PDE10A: variants seen among roughly 807,000 people sequenced by gnomAD.
PDE10A encodes cAMP and cAMP-inhibited cGMP 3',5'-cyclic phosphodiesterase 10A.
In PDE10A, 39 loss-of-function variants were observed where a neutral mutation model predicts 97.7. That is an observed-to-expected ratio of 0.40 (90% CI 0.31 to 0.52). PDE10A has a LOEUF of 0.52. Ranked by LOEUF, PDE10A falls within the 20% of genes least tolerant of loss-of-function variation. PDE10A has a pLI of 0.56. For synonymous variants in PDE10A, 371 were observed against 376.8 expected (o/e 0.98, Z 0.18); for missense variants, 731 against 1,047.8 (o/e 0.70, Z 4.17).
At chr6:165,340,590 A>T (rs892571961) in intron 19 of PDE10A, among the ~76,000 whole-genome samples, 3 of 152,252 alleles carry the variant, frequency 2.0e-5, no homozygotes, top group Non-Finnish European at 4.4e-5. Context: ...TCCAACAAGG[A>T]AACAGCTTTT....
chr6:165,518,891 G>T (rs1012819895), intron 2 of PDE10A, among the ~76,000 whole-genome samples: 1 of 152,170 alleles, frequency 6.6e-6, no homozygotes. Context: ...ACAGAAACCA[G>T]TTCCAATTGA....
At chr6:165,973,122 C>A (rs1214960380) in intron 1 of PDE10A, among the ~76,000 whole-genome samples, 2 of 152,240 alleles carry the variant, frequency 1.3e-5, no homozygotes, top group African/African-American at 4.8e-5. Flanking sequence ...TGAGCCCAAT[C>A]CAAAATGTGA....
intron 1 of PDE10A, among the ~76,000 whole-genome samples, chr6:165,656,254 TCTCTCACA>T (rs1404720364): frequency 6.7e-4 from 68 of 101,082 alleles, no homozygotes; most frequent in East Asian, 2.5e-3. Flanking sequence ...TCTCTCTCTC[TCTCTCACA>T]CACACACACA....
chr6:165,967,098 G>A lies in PDE10A; in HGVS notation c.-615+20431C>T, dbSNP rs143938682. On this transcript the variant is annotated intron_variant, in intron 1 of 19. Coordinates refer to the PDE10A transcript ENST00000366882. Reference sequence around the variant, plus strand: ...ACCAAGTGCTTGCCGTATATGGAAGGGTACAACTGATTCCTAGAGATGCCC... The same window carrying A: ...ACCAAGTGCTTGCCGTATATGGAAGAGTACAACTGATTCCTAGAGATGCCC... 5.9e-5 allele frequency among the ~76,000 whole-genome samples: 9 copies of A among 152,266 alleles called. No individual in the cohort carries two copies. The East Asian group carries it at 1.5e-3, about 26-fold the overall frequency.
At chr6:165,727,828 T>C (rs1179288003) in intron 1 of PDE10A, among the ~76,000 whole-genome samples, 1 of 152,248 alleles carries the variant, frequency 6.6e-6, no homozygotes, top group Non-Finnish European at 1.5e-5. Context: ...TTTTACTTTG[T>C]CTCGCTGCTT....
At chr6:165,604,124 C>T (rs1419244922) in intron 1 of PDE10A, among the ~76,000 whole-genome samples, 1 of 152,106 alleles carries the variant, frequency 6.6e-6, no homozygotes, top group African/African-American at 2.4e-5. Flanking sequence ...ATCCTAACAC[C>T]CATTTCTTCT....
At position 165,662,320 on chromosome 6, in the gene PDE10A, T is replaced by C; in HGVS notation, c.492A>G (p.Gly164=). The C allele has an allele frequency of 6.4e-6, 1 of 156,258 alleles. No homozygotes were observed. Among genetic ancestry groups the C allele is most frequent in the Non-Finnish European group, 1.3e-5 (1 of 75,320 alleles). The allele number at this position is 156,258 out of a possible 1,614,324, so 9.7% of individuals were successfully genotyped here. ...AGGGAGCTGCCTCTTGTCCTCCTCCTCCTCCTCCGCCAGCATCGCCGCCTC... is the reference window on the plus strand; with the variant it reads ...AGGGAGCTGCCTCTTGTCCTCCTCCCCCTCCTCCGCCAGCATCGCCGCCTC... The part of the protein sequence containing the change: ...AGGGGDAGGG[G]GGGQEAAPLS... Residue 164 remains glycine, a synonymous_variant, in exon 1 of 22, where the codon GGA becomes GGG. Transcript: ENST00000539869.
At chr6:165,617,673 C>G (rs1201737783) in intron 1 of PDE10A, among the ~76,000 whole-genome samples, 1 of 152,114 alleles carries the variant, frequency 6.6e-6, no homozygotes, top group Non-Finnish European at 1.5e-5. Context: ...GGACGTGGGA[C>G]TTGTGGTGCC....
At chr6:165,372,319 C>CATG (rs1784311807) in intron 18 of PDE10A, among the ~76,000 whole-genome samples, 1 of 150,214 alleles carries the variant, frequency 6.7e-6, no homozygotes, top group Non-Finnish European at 1.5e-5. Flanking sequence ...GATTGTATAT[C>CATG]TAGAAAACCC....
chr6:165,401,727 T>C (rs1199852565), intron 13 of PDE10A, among the ~76,000 whole-genome samples: 2 of 152,210 alleles, frequency 1.3e-5, no homozygotes, highest in East Asian at 3.8e-4. Flanking sequence ...AGGCCCACTC[T>C]GTGAGAGGAG....
At chr6:165,384,972 T>A (rs1194481960) in intron 17 of PDE10A, among the ~76,000 whole-genome samples, 1 of 152,170 alleles carries the variant, frequency 6.6e-6, no homozygotes, top group East Asian at 1.9e-4. Context: ...CGTAATCATC[T>A]GTGTGGCAAT....
chr6:165,794,284 G>A (rs924459501), intron 1 of PDE10A, among the ~76,000 whole-genome samples: 1 of 142,356 alleles, frequency 7.0e-6, no homozygotes, highest in Non-Finnish European at 1.5e-5. Flanking sequence ...ACACACTTAT[G>A]CACTCCCTCC....
rs144889264 is a variant in PDE10A, at chr6:165,748,664, C to A, written c.-614-205096G>T. On this transcript the variant is annotated intron_variant, in intron 1 of 19. Coordinates refer to the PDE10A transcript ENST00000366882. ...CACAGTAACACAGCTCCCAGCAGTT[C>A]CACAAAGGCAAGGATGAGGGGCGGT... 6.2e-4 allele frequency among the ~76,000 whole-genome samples: 94 copies of A among 152,252 alleles called. 1 individual carries two copies. The highest frequency in any genetic ancestry group is 2.2e-3 in the African/African-American group (92 of 41,556).
At chr6:165,367,564 G>A (rs987439565) in intron 18 of PDE10A, among the ~76,000 whole-genome samples, 1 of 151,672 alleles carries the variant, frequency 6.6e-6, no homozygotes, top group Non-Finnish European at 1.5e-5. Context: ...AGAAACCTCA[G>A]AAGACACCAA....
At chr6:165,596,181 T>C (rs1287472447) in intron 1 of PDE10A, among the ~76,000 whole-genome samples, 1 of 152,200 alleles carries the variant, frequency 6.6e-6, no homozygotes, top group Non-Finnish European at 1.5e-5. Flanking sequence ...CATTGGCATC[T>C]TTCTCTCCCA....
chr6:165,933,730 G>T (rs1486561893), intron 1 of PDE10A, among the ~76,000 whole-genome samples: 1 of 152,122 alleles, frequency 6.6e-6, no homozygotes, highest in Non-Finnish European at 1.5e-5. Flanking sequence ...GGATTTTTAG[G>T]CTAGCATTTG....
chr6:165,682,561 A>G (rs1791005262), intron 1 of PDE10A, among the ~76,000 whole-genome samples: 1 of 152,182 alleles, frequency 6.6e-6, no homozygotes, highest in South Asian at 2.1e-4. Flanking sequence ...AAGAGACGCC[A>G]GAGGCCCCCT....
intron 1 of PDE10A, among the ~76,000 whole-genome samples, chr6:165,847,611 G>A (rs1780456198): frequency 6.6e-6 from 1 of 152,244 alleles, no homozygotes; most frequent in African/African-American, 2.4e-5. Flanking sequence ...ATGCTAATGA[G>A]CTGAATTCTG....
At chr6:165,557,744 G>A (rs1464692880) in intron 1 of PDE10A, among the ~76,000 whole-genome samples, 1 of 152,022 alleles carries the variant, frequency 6.6e-6, no homozygotes, top group Non-Finnish European at 1.5e-5. Context: ...TTTCCTCAAT[G>A]CAATGTAATT....
Sources: gnomAD v4.1 joint callset for allele counts (sites outside exome capture counted in the v4.1 genomes callset) on GRCh38, gnomAD v4.1.1 for gene constraint, MANE v1.5 for transcripts, NCBI Gene and HGNC (gene_info 2026-07-23, HGNC 2026-07-21) for gene names.